Variants in RBFOX1 observed in about 807,000 individuals in gnomAD.
The protein encoded by RBFOX1 is RNA binding protein fox-1 homolog 1.
RBFOX1 carries 8 observed loss-of-function variants against 57.7 expected under a neutral mutation model. That is an observed-to-expected ratio of 0.14 (90% confidence interval 0.08 to 0.25). The LOEUF is 0.25. RBFOX1 is among the 10% of genes least tolerant of loss of function. The probability of loss-of-function intolerance (pLI) is 1.00; values close to 1 mark genes in which losing one functional copy is unlikely to be tolerated. For missense variants in RBFOX1, 611 were observed against 548.5 expected (o/e 1.11, Z -1.14); for synonymous variants, 326 against 222.4 (o/e 1.47, Z -4.15).
At chr16:6,120,475 T>A (rs2096540832) in intron 1 of RBFOX1, among the ~76,000 whole-genome samples, 1 of 152,164 alleles carries the variant, frequency 6.6e-6, no homozygotes, top group Admixed American at 6.5e-5. Context: ...GTGAATGGCA[T>A]CCTCTCCACC....
chr16:5,622,057 C>T (rs1283065980), intron 3 of RBFOX1, among the ~76,000 whole-genome samples: 1 of 152,166 alleles, frequency 6.6e-6, no homozygotes, highest in African/African-American at 2.4e-5. Context: ...GAAACTTTGC[C>T]AGAAGCATTG....
chr16:7,162,621 G>A (rs2078600132), intron 4 of RBFOX1, among the ~76,000 whole-genome samples: 1 of 151,308 alleles, frequency 6.6e-6, no homozygotes, highest in Non-Finnish European at 1.5e-5. Context: ...CCCAGCTACT[G>A]GGGAGGCTGA....
intron 4 of RBFOX1, among the ~76,000 whole-genome samples, chr16:7,306,632 G>A (rs975670468): frequency 4.0e-5 from 6 of 151,858 alleles, no homozygotes; most frequent in African/African-American, 1.5e-4. Context: ...CTGAATACCT[G>A]AAGTATAATA....
chr16:7,543,086 G>C (rs572137933), intron 5 of RBFOX1, among the ~76,000 whole-genome samples: 1 of 152,238 alleles, frequency 6.6e-6, no homozygotes, highest in South Asian at 2.1e-4. Context: ...ACCAAGCATG[G>C]TACTGTGGCA....
rs1168608548 is a variant in RBFOX1, at chr16:5,319,716, C to A, written c.219+79611C>A. 2.0e-5 allele frequency among the ~76,000 whole-genome samples: 3 copies of A among 152,178 alleles called. No individual in the cohort carries two copies. In the East Asian group the frequency reaches 5.8e-4, roughly 29 times the overall value. ...GTCACACTAGAGGCTGCAATCACAA[C>A]TCTAAAATCTCAGTAACTTCCACAA... On this transcript the variant is annotated intron_variant, in intron 1 of 2. Transcript: ENST00000585867.
intron 2 of RBFOX1, among the ~76,000 whole-genome samples, chr16:6,588,237 A>C (rs1454267647): frequency 1.3e-5 from 2 of 152,030 alleles, no homozygotes; most frequent in Non-Finnish European, 2.9e-5. Context: ...CTCGGGAAAA[A>C]AAAAAAGAAA....
intron 2 of RBFOX1, among the ~76,000 whole-genome samples, chr16:6,347,538 C>T (rs1015935498): frequency 6.6e-6 from 1 of 152,108 alleles, no homozygotes; most frequent in Non-Finnish European, 1.5e-5. Flanking sequence ...GCTGTGGAGG[C>T]CTGGGAGTAA....
chr16:7,296,526 TG>T (rs2141831568), intron 4 of RBFOX1, among the ~76,000 whole-genome samples: 1 of 152,284 alleles, frequency 6.6e-6, no homozygotes, highest in South Asian at 2.1e-4. Context: ...ATTTTACAGA[TG>T]AAAAAAACTA....
chr16:7,163,616 T>C (rs1542550), intron 4 of RBFOX1, among the ~76,000 whole-genome samples: 29,987 of 151,870 alleles, frequency 0.2, 3,353 homozygotes, highest in East Asian at 0.43. Flanking sequence ...AGCTGAGGAC[T>C]TTTTTTTCAA....
rs559508529 is a variant in RBFOX1 at position 7,199,069 on chromosome 16, C to T, written c.27+146971C>T. On this transcript the variant is annotated intron_variant, in intron 4 of 15. Transcript: ENST00000550418. Reference sequence around the variant, plus strand: ...GACAAGGGAAGTAAGAATATCATCACCACAGGTCCGTCCTCCTCCCCAGAG... The same window carrying T: ...GACAAGGGAAGTAAGAATATCATCATCACAGGTCCGTCCTCCTCCCCAGAG... Among the ~76,000 whole-genome samples, 49 of 152,282 alleles carry T rather than the reference C, an allele frequency of 3.2e-4. 1 individual carries two copies. The South Asian group carries it at 9.7e-3, about 30-fold the overall frequency.
intron 1 of RBFOX1, among the ~76,000 whole-genome samples, chr16:6,239,205 A>C (rs768242150): frequency 2.1e-4 from 32 of 152,116 alleles, no homozygotes; most frequent in Admixed American, 1.4e-3. Flanking sequence ...ATAGCCCTCT[A>C]GGTCACTAAA....
At chr16:7,324,795 A>G (rs750334484) in intron 4 of RBFOX1, among the ~76,000 whole-genome samples, 27 of 152,208 alleles carry the variant, frequency 1.8e-4, no homozygotes, top group Non-Finnish European at 3.7e-4. Context: ...AGATGTGGTT[A>G]GTACTGCTGG....
At chr16:6,968,192 C>G (rs1323791665) in intron 3 of RBFOX1, among the ~76,000 whole-genome samples, 1 of 152,198 alleles carries the variant, frequency 6.6e-6, no homozygotes, top group East Asian at 1.9e-4. Context: ...CTTTAGCTCT[C>G]TTTTCAGTTC....
chr16:7,015,683 T>A (rs1568378646), intron 3 of RBFOX1, among the ~76,000 whole-genome samples: 1 of 152,210 alleles, frequency 6.6e-6, no homozygotes, highest in African/African-American at 2.4e-5. Flanking sequence ...GAAATTTTTT[T>A]ATGACTAGCG....
At position 7,419,942 on chromosome 16, in the gene RBFOX1, TTTA is replaced by T. The variant is rs747244440; in HGVS notation, c.28-98204_28-98202del. On this transcript the variant is annotated intron_variant, in intron 4 of 15. Coordinates refer to ENST00000550418, the MANE Select transcript of RBFOX1 (RefSeq NM_018723.4). ...CTTTCTTCCTTTTTTTTTTTTTTTT[TTTA>T]ATTGTTTTGGTTGGAAGAATAAGTA... is the stretch of plus-strand genomic sequence containing the variant. Among the ~76,000 whole-genome samples the T allele has an allele frequency of 9.1e-3, 1,051 of 114,928 alleles. 9 individuals carry two copies. Among genetic ancestry groups the T allele is most frequent in the African/African-American group, 0.028 (768 of 27,180 alleles). The allele number at this position is 114,928 out of a possible 152,430, so 75.4% of individuals were successfully genotyped here. A position where few individuals can be genotyped will look rare whatever the true frequency, so the allele number is the denominator to read the frequency against.
At chr16:5,240,097 G>T (rs1316028103) in exon 1 of RBFOX1, 68 of 1,526,616 alleles carry the variant, frequency 4.5e-5, no homozygotes, top group Non-Finnish European at 5.1e-5. Context: ...AGGTGGCGAC[G>T]GCAGAGGAGT....
At chr16:5,882,558 G>T (rs1419374336) in intron 4 of RBFOX1, among the ~76,000 whole-genome samples, 1 of 152,172 alleles carries the variant, frequency 6.6e-6, no homozygotes, top group African/African-American at 2.4e-5. Flanking sequence ...ACTGAGCAGA[G>T]ACCTGGAGGG....
intron 3 of RBFOX1, among the ~76,000 whole-genome samples, chr16:5,772,611 G>C (rs2054017799): frequency 6.6e-6 from 1 of 152,234 alleles, no homozygotes; most frequent in African/African-American, 2.4e-5. Context: ...ATTTGGGCAA[G>C]TGAGTTGAAA....
chr16:7,530,538 C>G (rs577724517), intron 5 of RBFOX1, among the ~76,000 whole-genome samples: 1 of 151,430 alleles, frequency 6.6e-6, no homozygotes, highest in African/African-American at 2.4e-5. Flanking sequence ...TTATCTAGTT[C>G]TCTCCTGCTG....
Sources: allele counts gnomAD v4.1 joint callset (sites outside exome capture counted in the v4.1 genomes callset), GRCh38; gene constraint gnomAD v4.1.1; transcripts MANE v1.5; gene names NCBI Gene and HGNC (gene_info 2026-07-23, HGNC 2026-07-21).